RGS9: variants seen among roughly 807,000 people sequenced by gnomAD.
RGS9 encodes regulator of G protein signaling 9.
A neutral mutation model predicts 102.0 loss-of-function variants in RGS9; 78 were observed. The observed-to-expected ratio is 0.76, with a 90% confidence interval of 0.64 to 0.92. The LOEUF (loss-of-function observed/expected upper bound fraction) is 0.92. Ranked by LOEUF, RGS9 falls within the 40% of genes least tolerant of loss-of-function variation. The pLI is 0.00. For synonymous variants in RGS9, 353 were observed against 318.6 expected (o/e 1.11, Z -1.15); for missense variants, 833 against 866.1 (o/e 0.96, Z 0.48).
At chr17:65,192,331 A>T (rs914070934) in intron 11 of RGS9, among the ~76,000 whole-genome samples, 4 of 152,178 alleles carry the variant, frequency 2.6e-5, no homozygotes, top group African/African-American at 9.7e-5. Context: ...ATAAAAAATT[A>T]GGCCGGGAGC....
chr17:65,143,826 G>A (rs1177910127), intron 1 of RGS9, among the ~76,000 whole-genome samples: 1 of 151,734 alleles, frequency 6.6e-6, no homozygotes, highest in Non-Finnish European at 1.5e-5. Flanking sequence ...AGCTGGGCAG[G>A]GTGGCACATG....
intron 1 of RGS9, among the ~76,000 whole-genome samples, chr17:65,152,207 C>T (rs1910604816): frequency 2.0e-5 from 3 of 152,196 alleles, no homozygotes; most frequent in Middle Eastern, 3.4e-3. Flanking sequence ...CGAAGACTGG[C>T]CCAGGTAGAG....
At chr17:65,157,343 G>A (rs926099473) in intron 2 of RGS9, among the ~76,000 whole-genome samples, 2 of 151,862 alleles carry the variant, frequency 1.3e-5, no homozygotes, top group African/African-American at 4.8e-5. Flanking sequence ...TTGTGCCTAC[G>A]AGCTGTACCT....
rs1445303670 is a variant in RGS9, at chr17:65,189,277, G to A, written c.655-9G>A. 6.2e-7 allele frequency: 1 copy of A among 1,609,432 alleles called. No homozygotes were observed. Among genetic ancestry groups the A allele is most frequent in the African/African-American group, 1.3e-5 (1 of 74,822 alleles). On this transcript the variant is annotated splice_polypyrimidine_tract_variant and intron_variant, in intron 9 of 18. Coordinates refer to ENST00000262406, the MANE Select transcript of RGS9 (RefSeq NM_003835.4). ...ATCTGCCTAACGGTTTTGTTTCTTT[G>A]TCTTACAGAAACAAACAGTCGTTGC... is the stretch of plus-strand genomic sequence containing the variant.
At chr17:65,149,036 A>G (rs1910477424) in intron 1 of RGS9, among the ~76,000 whole-genome samples, 1 of 151,704 alleles carries the variant, frequency 6.6e-6, no homozygotes, top group African/African-American at 2.4e-5. Context: ...ATCTCGGCTC[A>G]TTGCAACCTC....
intron 18 of RGS9, among the ~76,000 whole-genome samples, chr17:65,226,206 C>T (rs114449507): frequency 1.3e-5 from 2 of 152,158 alleles, no homozygotes; most frequent in East Asian, 1.9e-4. Flanking sequence ...AACTTGTGAG[C>T]GATGCAACAC....
Position 65,158,294 on chromosome 17 carries a change from G to T in RGS9, c.155-1G>T. ...AACCGCAAATGTCTCTTGTTTTTCA[G>T]GAAGTGATGTTCTGCAATGGATCGT... On this transcript the variant is annotated splice_acceptor_variant, in intron 2 of 18. Transcript: ENST00000262406. LOFTEE classifies it high-confidence loss of function. 6.2e-7 allele frequency: 1 copy of T among 1,614,138 alleles called. No homozygotes were observed. The highest frequency in any genetic ancestry group is 1.1e-5 in the South Asian group (1 of 91,070).
chr17:65,158,252 C>CAGG, intron 2 of RGS9, 43 bp from the exon 3 acceptor site: 1 of 1,590,888 alleles, frequency 6.3e-7, no homozygotes, highest in Non-Finnish European at 8.6e-7. Context: ...GGGGATGTGT[C>CAGG]AGGAGGCTAT....
At chr17:65,201,946 C>A (rs1216304214) in intron 13 of RGS9, 47 bp from the exon 14 acceptor site, 4 of 1,302,184 alleles carry the variant, frequency 3.1e-6, no homozygotes, top group Non-Finnish European at 4.5e-6. Flanking sequence ...CTTCTTCCAA[C>A]TTATTTCCTG....
chr17:65,164,968 T>C (rs1010217094), intron 7 of RGS9, among the ~76,000 whole-genome samples: 3 of 152,188 alleles, frequency 2.0e-5, no homozygotes, highest in Admixed American at 6.5e-5. Context: ...TGAAGTCACT[T>C]GGTGAGATAA....
chr17:65,204,415 C>T (rs1186599233), intron 15 of RGS9, 114 bp downstream of exon 15: 19 of 1,312,872 alleles, frequency 1.4e-5, no homozygotes, highest in East Asian at 2.5e-5. Context: ...AGAGCTTTGC[C>T]GGTTGTGGCA....
At chr17:65,146,215 C>T (rs1910353193) in intron 1 of RGS9, among the ~76,000 whole-genome samples, 1 of 152,138 alleles carries the variant, frequency 6.6e-6, no homozygotes, top group African/African-American at 2.4e-5. Context: ...GCTGCTGTTA[C>T]ATCTAATAAA....
chr17:65,152,114 G>A (rs1254149746), intron 1 of RGS9, among the ~76,000 whole-genome samples: 1 of 152,208 alleles, frequency 6.6e-6, no homozygotes, highest in African/African-American at 2.4e-5. Flanking sequence ...GTTCAGGGTT[G>A]CAGCTTTAGG....
intron 17 of RGS9, among the ~76,000 whole-genome samples, chr17:65,224,714 T>C (rs1905539401): frequency 6.6e-6 from 1 of 152,190 alleles, no homozygotes; most frequent in Non-Finnish European, 1.5e-5. Context: ...TACTCCAGCA[T>C]CCTTGGCCTG....
chr17:65,210,672 T>C (rs1158830589), intron 17 of RGS9, 67 bp downstream of exon 17: 25 of 1,603,422 alleles, frequency 1.6e-5, no homozygotes, highest in Non-Finnish European at 1.9e-5. Context: ...AATCTGTGAT[T>C]CCTGGGGGTG....
chr17:65,218,235 G>A (rs1211934254), intron 17 of RGS9, among the ~76,000 whole-genome samples: 2 of 152,238 alleles, frequency 1.3e-5, no homozygotes, highest in African/African-American at 2.4e-5. Flanking sequence ...CAGCAACTTT[G>A]TCAATGGGAA....
At position 65,137,519 on chromosome 17, in the gene RGS9, G is replaced by T; in HGVS notation, c.-22G>T. The T allele has an allele frequency of 6.2e-7, 1 of 1,610,602 alleles. No homozygotes were observed. On this transcript the variant is annotated 5_prime_UTR_variant, in exon 1 of 19. Coordinates refer to ENST00000262406, the MANE Select transcript of RGS9 (RefSeq NM_003835.4). ...CTTGTCTCCCACTGGTGCTCTGGCT[G>T]TGAATCCATCCAGGGGCCAGGATGA...
intron 1 of RGS9, among the ~76,000 whole-genome samples, chr17:65,147,291 T>C (rs1432608661): frequency 1.3e-5 from 2 of 152,252 alleles, no homozygotes; most frequent in African/African-American, 4.8e-5. Context: ...TGCCTGGGTC[T>C]GCACGCTGGC....
chr17:65,168,055 T>C (rs1411145834), intron 7 of RGS9, 145 bp from the exon 8 acceptor site: 1 of 665,862 alleles, frequency 1.5e-6, no homozygotes, highest in African/African-American at 1.8e-5. Flanking sequence ...GAGATGTCAG[T>C]GCTTGCTGTG....
Sources: allele counts gnomAD v4.1 joint callset (sites outside exome capture counted in the v4.1 genomes callset), GRCh38; gene constraint gnomAD v4.1.1; transcripts MANE v1.5; gene names NCBI Gene and HGNC (gene_info 2026-07-23, HGNC 2026-07-21).